RBM23: variants seen among roughly 807,000 people sequenced by gnomAD.
The protein encoded by RBM23 is RNA binding motif protein 23, also known as probable RNA-binding protein 23.
A neutral mutation model predicts 56.2 loss-of-function variants in RBM23; 53 were observed. The observed-to-expected ratio is 0.94, with a 90% CI of 0.76 to 1.19. The LOEUF (loss-of-function observed/expected upper bound fraction) is 1.19. RBM23 is among the 50% of genes most tolerant of loss of function. The pLI, the probability that RBM23 is intolerant of heterozygous loss-of-function variation, is 0.00. For missense variants in RBM23, 642 were observed against 590.3 expected, an observed-to-expected ratio of 1.09 and a Z score of -0.91; for synonymous variants, 197 against 198.5, an observed-to-expected ratio of 0.99 and a Z score of 0.06.
At chr14:22,913,239 C>T (rs1263022261) in intron 1 of RBM23, among the ~76,000 whole-genome samples, 2 of 150,280 alleles carry the variant, frequency 1.3e-5, no homozygotes, top group Admixed American at 1.3e-4. Context: ...ACAGTGAAAC[C>T]CTGTCTCTAC....
At chr14:22,907,885 A>G (rs537734873) in intron 4 of RBM23, among the ~76,000 whole-genome samples, 5 of 152,374 alleles carry the variant, frequency 3.3e-5, no homozygotes, top group South Asian at 2.1e-4. Flanking sequence ...GTTTTCAACA[A>G]TAACAATAAT....
rs563716202 is a variant in RBM23, at chr14:22,902,441, C to T, written c.931-59G>A. 189 of 1,568,836 alleles carry T rather than the reference C, an allele frequency of 1.2e-4. No homozygotes were observed. In the South Asian group the frequency reaches 1.7e-3, roughly 14 times the overall value. On this transcript the variant is annotated intron_variant, in intron 10 of 13. Transcript: ENST00000359890. ...TCACCAAAGACATGCTCTCAAAGACCCAGTAACACTCCCTAGTCCTACTAT... is the reference window on the plus strand; with the variant it reads ...TCACCAAAGACATGCTCTCAAAGACTCAGTAACACTCCCTAGTCCTACTAT...
At position 22,902,231 on chromosome 14, in the gene RBM23, C is replaced by G; in HGVS notation, c.1082G>C (p.Gly361Ala). 3 of 1,614,224 alleles carry G rather than the reference C, an allele frequency of 1.9e-6. No homozygotes were observed. Among genetic ancestry groups the G allele is most frequent in the Non-Finnish European group, 1.7e-6 (2 of 1,180,046 alleles). ...GAGCTGAAAACGTCCACCTGCTGAT[C>G]CCAGATCCAGCTCCTGGTCCCCATC... ...FPDGDQELDL[G>A]SAGGRFQLMA... Residue 361 changes from glycine to alanine, a missense_variant, in exon 11 of 14, where the codon GGA becomes GCA. Physicochemically the swap from Gly to Ala is moderately conservative, Grantham distance 60 (BLOSUM62 0). Coordinates refer to ENST00000359890, the MANE Select transcript of RBM23 (RefSeq NM_001077351.2).
At position 22,901,478 on chromosome 14, in the gene RBM23, A is replaced by G. The variant is rs1253676543; in HGVS notation, c.*252T>C. On this transcript the variant is annotated 3_prime_UTR_variant, in exon 14 of 14. Transcript: ENST00000359890. ...AATCTCAGAGACGATACACATGGAG[A>G]AACAGGTATTCAATGCAGGTGTGGA... 3.4e-5 allele frequency: 20 copies of G among 593,706 alleles called. No individual in the cohort carries two copies. The East Asian group carries it at 5.6e-4, about 17-fold the overall frequency. 36.8% of individuals were successfully genotyped at this position (593,706 alleles called of 1,614,324 possible). A position where few individuals can be genotyped will look rare whatever the true frequency, so the allele number is the denominator to read the frequency against.
At position 22,901,469 on chromosome 14, in the gene RBM23, C is replaced by G. The variant is rs1594201866; in HGVS notation, c.*261G>C. 2 of 587,618 alleles carry G rather than the reference C, an allele frequency of 3.4e-6. No individual in the cohort carries two copies. The highest frequency in any genetic ancestry group is 6.1e-6 in the Non-Finnish European group (2 of 328,222). The allele number at this position is 587,618 out of a possible 1,614,324, so 36.4% of individuals were successfully genotyped here. A position where few individuals can be genotyped will look rare whatever the true frequency, so the allele number is the denominator to read the frequency against. On this transcript the variant is annotated 3_prime_UTR_variant, in exon 14 of 14. Coordinates refer to ENST00000359890, the MANE Select transcript of RBM23 (RefSeq NM_001077351.2). Reference sequence around the variant, plus strand: ...CAAGAAGGTAATCTCAGAGACGATACACATGGAGAAACAGGTATTCAATGC... The same window carrying G: ...CAAGAAGGTAATCTCAGAGACGATAGACATGGAGAAACAGGTATTCAATGC...
intron 3 of RBM23, 132 bp downstream of exon 3, chr14:22,909,351 G>A: frequency 1.4e-6 from 1 of 728,764 alleles, no homozygotes; most frequent in Non-Finnish European, 2.4e-6. Context: ...TTATTCTCAT[G>A]ACCTAGGTGG....
In RBM23 at chr14:22,902,346, G is replaced by C. The variant is rs754942826; in HGVS notation, c.967C>G (p.Gln323Glu). Residue 323 changes from glutamine to glutamate, a missense_variant, in exon 11 of 14, where the codon CAG becomes GAG. By Grantham distance (29) the Gln-to-Glu change is conservative. Coordinates refer to ENST00000359890, the MANE Select transcript of RBM23 (RefSeq NM_001077351.2). ...CCAGCAAGCTCAAACCCATTCAACT[G>C]TTCCAGGGCCCGCCGGGCACACTCA... ...DSECARRALE[Q>E]LNGFELAGRP... 7 of 1,613,720 alleles carry C rather than the reference G, an allele frequency of 4.3e-6. No homozygotes were observed. The highest frequency in any genetic ancestry group is 5.9e-6 in the Non-Finnish European group (7 of 1,179,792).
In RBM23 at chr14:22,899,217, ACAG is replaced by A. The variant is rs2040300352; in HGVS notation, c.*2510_*2512del. On this transcript the variant is annotated 3_prime_UTR_variant, in exon 14 of 14. Transcript: ENST00000359890. Reference sequence around the variant, plus strand: ...ATGAGTGGATTAATGTCACTATCACACAGCAGGTTATCATGAGAGAGGGCTGTT... The same window carrying A: ...ATGAGTGGATTAATGTCACTATCACACAGGTTATCATGAGAGAGGGCTGTT... 6.6e-6 allele frequency: 1 copy of A among 152,164 alleles called. No individual in the cohort carries two copies. Among genetic ancestry groups the A allele is most frequent in the South Asian group, 2.1e-4 (1 of 4,826 alleles). The allele number at this position is 152,164 out of a possible 1,614,324, so 9.4% of individuals were successfully genotyped here. A position where few individuals can be genotyped will look rare whatever the true frequency, so the allele number is the denominator to read the frequency against.
At chr14:22,907,991 GT>G (rs1485918229) in intron 4 of RBM23, among the ~76,000 whole-genome samples, 1 of 152,144 alleles carries the variant, frequency 6.6e-6, no homozygotes, top group Non-Finnish European at 1.5e-5. Flanking sequence ...ATGTGTTTGT[GT>G]TTTAAGCTAA....
intron 2 of RBM23, 139 bp downstream of exon 2, chr14:22,911,189 T>A: frequency 1.4e-6 from 1 of 724,652 alleles, no homozygotes; most frequent in East Asian, 2.7e-5. Context: ...TTACTAAGAC[T>A]ATGCCTTTTA....
intron 1 of RBM23, among the ~76,000 whole-genome samples, chr14:22,912,991 T>A (rs2042816510): frequency 1.3e-5 from 1 of 75,258 alleles, no homozygotes; most frequent in African/African-American, 6.7e-5. Flanking sequence ...AGAGTGAGAT[T>A]CAGTCTCAAA....
chr14:22,909,786 C>G (rs549629137), intron 2 of RBM23, among the ~76,000 whole-genome samples, 191 bp from the exon 3 acceptor site: 2 of 152,242 alleles, frequency 1.3e-5, no homozygotes, highest in Non-Finnish European at 2.9e-5. Context: ...AGGAAGAGAT[C>G]AGCATGACAG....
chr14:22,906,646 A>G (rs1374603659), intron 4 of RBM23, among the ~76,000 whole-genome samples: 1 of 152,230 alleles, frequency 6.6e-6, no homozygotes, highest in East Asian at 1.9e-4. Context: ...ACTAGTGTTT[A>G]CTAGAGGCTG....
intron 2 of RBM23, among the ~76,000 whole-genome samples, chr14:22,910,272 A>C (rs2042248389): frequency 6.8e-6 from 1 of 147,106 alleles, no homozygotes; most frequent in Non-Finnish European, 1.5e-5. Flanking sequence ...GACCAGCCTG[A>C]CCAACATGGA....
At position 22,906,255 on chromosome 14, in the gene RBM23, C is replaced by A. The variant is rs200231890; in HGVS notation, c.341G>T (p.Arg114Leu). Residue 114 changes from arginine to leucine, a missense_variant, in exon 5 of 14, where the codon CGA (arginine) becomes CTA (leucine). Coordinates refer to ENST00000359890, the MANE Select transcript of RBM23 (RefSeq NM_001077351.2). Reference protein sequence around the residue: ...SWDRRHGSESRSRDHRREDRV... With the variant: ...SWDRRHGSESLSRDHRREDRV... ...ATCCTCACGACGATGGTCCCGACTT[C>A]GCGACTCACTACCATGTCGACGATC... The A allele has an allele frequency of 4.3e-6, 7 of 1,614,228 alleles. No homozygotes were observed. Among genetic ancestry groups the A allele is most frequent in the East Asian group, 2.2e-5 (1 of 44,890 alleles).
In RBM23 at chr14:22,905,468, G is replaced by A. The variant is rs1160174547; in HGVS notation, c.456-15C>T. The A allele has an allele frequency of 1.2e-6, 2 of 1,612,968 alleles. No individual in the cohort carries two copies. Among genetic ancestry groups the A allele is most frequent in the Non-Finnish European group, 8.5e-7 (1 of 1,178,932 alleles). ...CAACTGGCTCCCTGAAGAGTGAAAT[G>A]TGTTGAGACCAGCCCTCCCAATACC... On this transcript the variant is annotated splice_polypyrimidine_tract_variant and intron_variant, in intron 6 of 13. Transcript: ENST00000359890.
rs999619052 is a variant in RBM23, at chr14:22,893,984, T to C, written c.*7746A>G. Reference sequence around the variant, plus strand: ...GATGGGGGTCTGTGGATGAAGTCACTCTTAACCTGTCTGGTTTGCTGAACT... The same window carrying C: ...GATGGGGGTCTGTGGATGAAGTCACCCTTAACCTGTCTGGTTTGCTGAACT... On this transcript the variant is annotated 3_prime_UTR_variant, in exon 14 of 14. Coordinates refer to ENST00000359890, the MANE Select transcript of RBM23 (RefSeq NM_001077351.2). The C allele has an allele frequency of 1.3e-5, 2 of 152,192 alleles. No individual in the cohort carries two copies. Among genetic ancestry groups the C allele is most frequent in the African/African-American group, 4.8e-5 (2 of 41,446 alleles). The allele number at this position is 152,192 out of a possible 1,614,324, so 9.4% of individuals were successfully genotyped here.
At chr14:22,911,608 G>T in intron 1 of RBM23, 1 of 408,508 alleles carries the variant, frequency 2.4e-6, no homozygotes, top group Non-Finnish European at 4.5e-6. Context: ...GTTCGACTTT[G>T]TGGCTTGGAA....
chr14:22,906,961 A>C lies in RBM23; in HGVS notation c.228-593T>G, dbSNP rs993435839. ...GACCAAAATGGGTGGATCACTTGAGATCAGGAATTCCAGACCAGTCTGGCC... is the reference window on the plus strand; with the variant it reads ...GACCAAAATGGGTGGATCACTTGAGCTCAGGAATTCCAGACCAGTCTGGCC... On this transcript the variant is annotated intron_variant, in intron 4 of 13. Coordinates refer to ENST00000359890, the MANE Select transcript of RBM23 (RefSeq NM_001077351.2). Among the ~76,000 whole-genome samples the C allele has an allele frequency of 2.6e-5, 4 of 151,956 alleles. No individual in the cohort carries two copies. In the South Asian group the frequency reaches 6.2e-4, roughly 24 times the overall value.
Sources: gnomAD v4.1 joint callset for allele counts (sites outside exome capture counted in the v4.1 genomes callset) on GRCh38, gnomAD v4.1.1 for gene constraint, MANE v1.5 for transcripts, NCBI Gene and HGNC (gene_info 2026-07-23, HGNC 2026-07-21) for gene names.